Variants in ITGA8 observed in about 807,000 individuals in gnomAD.
ITGA8 encodes the protein integrin alpha-8.
ITGA8 carries 91 observed loss-of-function variants against 142.3 expected under a neutral mutation model. The ratio of observed to expected loss-of-function variants is 0.64; its 90% confidence interval spans 0.54 to 0.76. The LOEUF is 0.76. Among genes scored for constraint, ITGA8 ranks in the 30% least tolerant of loss-of-function variants. The pLI is 0.00. For synonymous variants in ITGA8, 505 were observed against 485.2 expected (o/e 1.04, Z -0.54); for missense variants, 1,406 against 1,327.7 (o/e 1.06, Z -0.92).
At chr10:15,653,988 C>T (rs1332648504) in intron 11 of ITGA8, among the ~76,000 whole-genome samples, 1 of 152,060 alleles carries the variant, frequency 6.6e-6, no homozygotes, top group Non-Finnish European at 1.5e-5. Context: ...GCACCCACCA[C>T]CATGCCCGGC....
chr10:15,685,094 G>A (rs547382485), intron 3 of ITGA8, among the ~76,000 whole-genome samples: 1 of 152,256 alleles, frequency 6.6e-6, no homozygotes, highest in South Asian at 2.1e-4. Flanking sequence ...TTTTATCAGG[G>A]ATGATCACAA....
intron 13 of ITGA8, among the ~76,000 whole-genome samples, chr10:15,617,730 C>T (rs760171741): frequency 6.6e-6 from 1 of 152,060 alleles, no homozygotes; most frequent in Non-Finnish European, 1.5e-5. Flanking sequence ...CAGTGGCTGT[C>T]CCTAGTAGAA....
chr10:15,608,845 A>G (rs1231682606), intron 15 of ITGA8, among the ~76,000 whole-genome samples: 1 of 152,116 alleles, frequency 6.6e-6, no homozygotes, highest in Non-Finnish European at 1.5e-5. Flanking sequence ...AGCACATGGT[A>G]TGCTTAACTT....
In ITGA8 at chr10:15,655,384, G is replaced by T. The variant is rs1326083646; in HGVS notation, c.971C>A (p.Thr324Asn). ...ACTGTTAACATCTGATACGACAACG[G>T]TATATCCAAAATAAGATGCCATCTG... ...GEQMASYFGY[T>N]VVVSDVNSDG... Residue 324 changes from threonine (T) to asparagine (N), a missense_variant, in exon 11 of 30, where the codon ACC becomes AAC. By Grantham distance (65) the Thr-to-Asn change is moderately conservative (BLOSUM62 0). Transcript: ENST00000378076. The T allele has an allele frequency of 6.2e-7, 1 of 1,610,794 alleles. No individual in the cohort carries two copies. Among genetic ancestry groups the T allele is most frequent in the South Asian group, 1.1e-5 (1 of 90,856 alleles).
At chr10:15,657,369 C>A (rs949452793) in intron 10 of ITGA8, among the ~76,000 whole-genome samples, 1 of 152,082 alleles carries the variant, frequency 6.6e-6, no homozygotes, top group African/African-American at 2.4e-5. Context: ...TTTCTCCAAA[C>A]CTTCCAAAAG....
intron 27 of ITGA8, among the ~76,000 whole-genome samples, chr10:15,548,101 T>C (rs1833713476): frequency 6.6e-6 from 1 of 152,038 alleles, no homozygotes; most frequent in Admixed American, 6.6e-5. Flanking sequence ...AGTTTTAATT[T>C]TTTTTTTTGA....
At chr10:15,641,730 G>T (rs911675919) in intron 13 of ITGA8, among the ~76,000 whole-genome samples, 4 of 152,128 alleles carry the variant, frequency 2.6e-5, no homozygotes, top group African/African-American at 9.7e-5. Context: ...AAGACGCACA[G>T]CACTGACATG....
chr10:15,684,550 T>G (rs528873687), intron 3 of ITGA8, among the ~76,000 whole-genome samples: 146 of 152,138 alleles, frequency 9.6e-4, no homozygotes, highest in African/African-American at 3.4e-3. Flanking sequence ...TTGTTTTGTT[T>G]TTTGTAGAGA....
At chr10:15,711,767 A>AC (rs773577212) in intron 2 of ITGA8, among the ~76,000 whole-genome samples, 3 of 151,996 alleles carry the variant, frequency 2.0e-5, no homozygotes, top group African/African-American at 4.8e-5. Context: ...CCTTAATTTT[A>AC]CCCCCCAAAA....
chr10:15,613,353 G>A (rs1199734038), intron 15 of ITGA8, among the ~76,000 whole-genome samples: 1 of 151,962 alleles, frequency 6.6e-6, no homozygotes, highest in African/African-American at 2.4e-5. Context: ...TGTTTGACTG[G>A]GAATTTCCCC....
chr10:15,678,671 T>G (rs747865555), intron 5 of ITGA8, 51 bp downstream of exon 5: 1 of 1,248,986 alleles, frequency 8.0e-7, no homozygotes, highest in Non-Finnish European at 1.2e-6. Flanking sequence ...AGGCAGAGGG[T>G]AAAAAAAAAT....
At chr10:15,535,131 T>G (rs7068785) in intron 27 of ITGA8, among the ~76,000 whole-genome samples, 8 of 152,010 alleles carry the variant, frequency 5.3e-5, no homozygotes, top group Non-Finnish European at 8.8e-5. Flanking sequence ...GGCCCACCGG[T>G]GCTGTGCTGG....
At chr10:15,596,932 C>A in intron 21 of ITGA8, 1 of 349,418 alleles carries the variant, frequency 2.9e-6, no homozygotes, top group Non-Finnish European at 5.2e-6. Context: ...ATAGTAAAAA[C>A]AAAGTCTGTA....
At chr10:15,553,872 A>G (rs936023152) in intron 26 of ITGA8, among the ~76,000 whole-genome samples, 8 of 152,108 alleles carry the variant, frequency 5.3e-5, no homozygotes, top group African/African-American at 1.9e-4. Context: ...ACGCACCTGT[A>G]ATCCCAGCTA....
rs76691213 is a variant in ITGA8 at position 15,579,988 on chromosome 10, A to G, written c.2373-4394T>C. Among the ~76,000 whole-genome samples the G allele has an allele frequency of 3.9e-3, 589 of 152,022 alleles. 5 individuals carry two copies. Among genetic ancestry groups the G allele is most frequent in the African/African-American group, 0.014 (567 of 41,546 alleles). On this transcript the variant is annotated intron_variant, in intron 23 of 29. Transcript: ENST00000378076. ...GAAAGTCAAATCCAAAGAGAGCACG[A>G]GAAAGGATAACAAGAAAAGCTGAAA...
At chr10:15,640,685 C>T (rs151090041) in intron 13 of ITGA8, among the ~76,000 whole-genome samples, 1 of 152,162 alleles carries the variant, frequency 6.6e-6, no homozygotes, top group Non-Finnish European at 1.5e-5. Flanking sequence ...AAACTGGCAA[C>T]AGCTAAGGAA....
At chr10:15,682,309 T>G (rs1364958043) in intron 4 of ITGA8, among the ~76,000 whole-genome samples, 1 of 152,178 alleles carries the variant, frequency 6.6e-6, no homozygotes, top group Non-Finnish European at 1.5e-5. Context: ...TTCCTAAACA[T>G]AGAAGAGTTA....
chr10:15,669,605 G>T (rs903902672), intron 8 of ITGA8, among the ~76,000 whole-genome samples: 2 of 151,906 alleles, frequency 1.3e-5, no homozygotes, highest in Non-Finnish European at 1.5e-5. Flanking sequence ...CTGATTTTTA[G>T]CAGTTGTTCT....
At chr10:15,671,160 G>A (rs1221250347) in intron 8 of ITGA8, among the ~76,000 whole-genome samples, 5 of 152,194 alleles carry the variant, frequency 3.3e-5, no homozygotes, top group African/African-American at 7.2e-5. Flanking sequence ...CGTTTGTTTT[G>A]TTATTTGGGG....
Sources: gnomAD v4.1 joint callset for allele counts (sites outside exome capture counted in the v4.1 genomes callset) on GRCh38, gnomAD v4.1.1 for gene constraint, MANE v1.5 for transcripts, NCBI Gene and HGNC (gene_info 2026-07-23, HGNC 2026-07-21) for gene names.